RFX7: variants seen among roughly 807,000 people sequenced by gnomAD.
The protein encoded by RFX7 is DNA-binding protein RFX7.
RFX7 carries 26 observed loss-of-function variants against 111.8 expected under a neutral mutation model. The ratio of observed to expected loss-of-function variants is 0.23; its 90% CI spans 0.17 to 0.32. The LOEUF is 0.32. Ranked by LOEUF, RFX7 falls within the 10% of genes least tolerant of loss-of-function variation. The pLI is 1.00. For missense variants in RFX7, 1,573 were observed against 1,772.9 expected (o/e 0.89, Z 2.02); for synonymous variants, 624 against 624.4 (o/e 1.00, Z 0.01).
intron 2 of RFX7, chr15:56,192,419 T>C (rs1443234984): frequency 9.0e-6 from 2 of 222,946 alleles, no homozygotes; most frequent in Admixed American, 4.1e-5. Context: ...TTTTCAAGGA[T>C]GGGCTGGGCT....
chr15:56,142,649 A>T, intron 5 of RFX7, 129 bp downstream of exon 5: 9 of 791,778 alleles, frequency 1.1e-5, no homozygotes, highest in Non-Finnish European at 1.7e-5. Flanking sequence ...AATGAATCTT[A>T]AGAGATTTCT....
rs2043744838 is a variant in RFX7 at position 56,243,552 on chromosome 15, G to A, written c.-110C>T. The A allele has an allele frequency of 9.7e-5, 94 of 973,906 alleles. No individual in the cohort carries two copies. Among genetic ancestry groups the A allele is most frequent in the Non-Finnish European group, 1.1e-4 (92 of 821,012 alleles). The allele number at this position is 973,906 out of a possible 1,614,324, so 60.3% of individuals were successfully genotyped here. A position where few individuals can be genotyped will look rare whatever the true frequency, so the allele number is the denominator to read the frequency against. ...TTCACCGCGGGAGAGGCATGGCGGC[G>A]CCCCTCAGCCCCCCGCTGGCGCCGC... On this transcript the variant is annotated 5_prime_UTR_variant, in exon 1 of 10. Coordinates refer to ENST00000559447, the MANE Select transcript of RFX7 (RefSeq NM_022841.7).
intron 2 of RFX7, among the ~76,000 whole-genome samples, chr15:56,184,373 T>A (rs939598410): frequency 1.5e-4 from 23 of 151,860 alleles, no homozygotes; most frequent in African/African-American, 5.3e-4. Context: ...TTGTAGATAA[T>A]CATTTCATTT....
chr15:56,091,430 C>T lies in RFX7; in HGVS notation c.*1915G>A, dbSNP rs1245932222. 6.6e-6 allele frequency: 1 copy of T among 152,462 alleles called. No individual in the cohort carries two copies. Among genetic ancestry groups the T allele is most frequent in the Non-Finnish European group, 1.5e-5 (1 of 67,962 alleles). 9.4% of individuals were successfully genotyped at this position (152,462 alleles called of 1,614,324 possible). A position where few individuals can be genotyped will look rare whatever the true frequency, so the allele number is the denominator to read the frequency against. On this transcript the variant is annotated 3_prime_UTR_variant, in exon 10 of 10. Coordinates refer to ENST00000559447, the MANE Select transcript of RFX7 (RefSeq NM_022841.7). ...TTAAAGAGTTTGCTGCAATACTGTA[C>T]AAGGGGTTAAAAATCCTCCAGTCTT...
In RFX7 at chr15:56,096,210, CCTT is replaced by C; in HGVS notation, c.1515_1517del (p.Arg506del). 1.2e-6 allele frequency: 2 copies of C among 1,613,916 alleles called. No individual in the cohort carries two copies. Among genetic ancestry groups the C allele is most frequent in the East Asian group, 2.2e-5 (1 of 44,892 alleles). ...AACCATTCTTGATCTGTGGAACACT[CCTT>C]GATTCTTCTGTTGTTCCTGTAGCAC... On this transcript the variant is annotated inframe_deletion, in exon 10 of 10. Coordinates refer to ENST00000559447, the MANE Select transcript of RFX7 (RefSeq NM_022841.7).
At chr15:56,198,583 T>C (rs769303143) in intron 2 of RFX7, among the ~76,000 whole-genome samples, 86 of 152,104 alleles carry the variant, frequency 5.7e-4, no homozygotes, top group Non-Finnish European at 9.4e-4. Context: ...GGAAACTCCA[T>C]AGGACAAAGG....
chr15:56,129,855 A>G (rs1051103415), intron 5 of RFX7, among the ~76,000 whole-genome samples: 2 of 152,116 alleles, frequency 1.3e-5, no homozygotes, highest in South Asian at 4.2e-4. Context: ...GATGTTTCCT[A>G]TGGTTGATCT....
In RFX7 at chr15:56,096,409, C is replaced by G. The variant is rs765096097; in HGVS notation, c.1319G>C (p.Ser440Thr). ...AGTTGGAGAGCGAATGGTGAGTGCA[C>G]TGGTGTTCGCTGGTTTGGGTAAGAT... Reference protein sequence around the residue: ...PQILPKPANTSALTIRSPTTV... With the variant: ...PQILPKPANTTALTIRSPTTV... The change falls in exon 10 of 10, where the codon AGT becomes ACT. Residue 440 changes from serine to threonine, a missense_variant. Around this residue, in one of 7 missense-constraint regions of RFX7, gnomAD observed 288 missense variants for 337.9 expected, o/e 0.85. Transcript: ENST00000559447. The G allele has an allele frequency of 3.1e-6, 5 of 1,613,876 alleles. No homozygotes were observed. The highest frequency in any genetic ancestry group is 4.2e-6 in the Non-Finnish European group (5 of 1,179,848).
intron 2 of RFX7, among the ~76,000 whole-genome samples, chr15:56,227,823 A>C (rs1596023366): frequency 1.3e-5 from 2 of 152,296 alleles, no homozygotes; most frequent in South Asian, 4.1e-4. Context: ...CTTTATATAG[A>C]ACTGAATTGC....
chr15:56,218,151 T>C (rs1416851993), intron 2 of RFX7, among the ~76,000 whole-genome samples: 2 of 121,742 alleles, frequency 1.6e-5, no homozygotes, highest in Admixed American at 1.6e-4. Context: ...TTTCTTTTTT[T>C]TTTTTTTTTT....
intron 7 of RFX7, among the ~76,000 whole-genome samples, 194 bp from the exon 8 acceptor site, chr15:56,101,760 G>A (rs1465258120): frequency 2.0e-5 from 3 of 152,196 alleles, no homozygotes; most frequent in African/African-American, 4.8e-5. Flanking sequence ...ACAGCAGTCA[G>A]CAGCCTTGCG....
chr15:56,173,793 C>CA (rs140180243), intron 3 of RFX7, among the ~76,000 whole-genome samples: 10,119 of 149,486 alleles, frequency 0.068, 452 homozygotes, highest in Admixed American at 0.11. Context: ...AACTCCATCT[C>CA]AAAAAAAAGG....
intron 2 of RFX7, among the ~76,000 whole-genome samples, chr15:56,180,735 A>G (rs1447610700): frequency 4.9e-5 from 7 of 142,186 alleles, no homozygotes; most frequent in Non-Finnish European, 7.6e-5. Flanking sequence ...GTAAAACCCC[A>G]TATCTACTAA....
At position 56,090,688 on chromosome 15, in the gene RFX7, G is replaced by A. The variant is rs1384088929; in HGVS notation, c.*2657C>T. The A allele has an allele frequency of 5.2e-5, 8 of 152,562 alleles. No homozygotes were observed. The highest frequency in any genetic ancestry group is 1.9e-4 in the African/African-American group (8 of 41,440). The allele number at this position is 152,562 out of a possible 1,614,324, so 9.5% of individuals were successfully genotyped here. ...AGACAACAAAACACTGGGGAAATCT[G>A]ACTTTTTGCACTAAATGAAACATGA... On this transcript the variant is annotated 3_prime_UTR_variant, in exon 10 of 10. Transcript: ENST00000559447.
chr15:56,217,656 C>A (rs1266655090), intron 2 of RFX7, among the ~76,000 whole-genome samples: 1 of 152,194 alleles, frequency 6.6e-6, no homozygotes, highest in Non-Finnish European at 1.5e-5. Context: ...AGTATCCATA[C>A]AACTTGAGTA....
chr15:56,128,066 C>A (rs953550952), intron 5 of RFX7, among the ~76,000 whole-genome samples: 11 of 152,022 alleles, frequency 7.2e-5, no homozygotes, highest in Admixed American at 2.0e-4. Context: ...CACAAACTAT[C>A]AAAATAGACT....
chr15:56,238,835 T>C (rs1452753071), intron 2 of RFX7, among the ~76,000 whole-genome samples: 2 of 152,116 alleles, frequency 1.3e-5, no homozygotes, highest in African/African-American at 2.4e-5. Context: ...TTATTTATTA[T>C]TTTTAGTTTT....
intron 2 of RFX7, among the ~76,000 whole-genome samples, chr15:56,214,741 A>C (rs1278485090): frequency 6.6e-6 from 1 of 150,954 alleles, no homozygotes; most frequent in Non-Finnish European, 1.5e-5. Context: ...AAATTCTAGA[A>C]TAAAGTCTTA....
intron 3 of RFX7, among the ~76,000 whole-genome samples, chr15:56,173,100 AAGG>A (rs1484767228): frequency 1.3e-5 from 2 of 152,222 alleles, no homozygotes; most frequent in Non-Finnish European, 2.9e-5. Flanking sequence ...AGCTAAAGAG[AAGG>A]AGGTTAGTGT....
Sources: gnomAD v4.1 joint callset for allele counts (sites outside exome capture counted in the v4.1 genomes callset) on GRCh38, gnomAD v4.1.1 for gene constraint, gnomAD v4.1.1 regional missense constraint, MANE v1.5 for transcripts, NCBI Gene and HGNC (gene_info 2026-07-23, HGNC 2026-07-21) for gene names.